Variants in NBAS observed in about 807,000 individuals in gnomAD.
NBAS encodes the protein NBAS subunit of NRZ tethering complex, also known as NAG/BC035112 fusion.
A neutral mutation model predicts 302.5 loss-of-function variants in NBAS; 219 were observed. The observed-to-expected ratio is 0.72, with a 90% CI of 0.65 to 0.81. NBAS has a LOEUF of 0.81. Among genes scored for constraint, NBAS ranks in the 30% least tolerant of loss-of-function variants. The pLI, the probability that NBAS is intolerant of heterozygous loss-of-function variation, is 0.00. For synonymous variants in NBAS, 1,118 were observed against 1,021.6 expected, an observed-to-expected ratio of 1.09 and a Z score of -1.80; for missense variants, 2,932 against 2,841.6, an observed-to-expected ratio of 1.03 and a Z score of -0.72.
chr2:15,279,071 T>C (rs958827019), intron 42 of NBAS, among the ~76,000 whole-genome samples: 3 of 152,166 alleles, frequency 2.0e-5, no homozygotes, highest in Non-Finnish European at 2.9e-5. Context: ...TGTTCCTTCA[T>C]AATTTGCAAA....
At chr2:15,370,388 G>A (rs897544376) in intron 31 of NBAS, among the ~76,000 whole-genome samples, 5 of 152,104 alleles carry the variant, frequency 3.3e-5, no homozygotes, top group Admixed American at 1.3e-4. Flanking sequence ...CAACCTCCTA[G>A]GACAAGTGAT....
At chr2:15,088,206 G>A in the NBAS span, among the ~76,000 whole-genome samples, 1 of 152,144 alleles carries the variant, frequency 6.6e-6, no homozygotes, top group Non-Finnish European at 1.5e-5. Context: ...AAGAGCAAAA[G>A]GTAGTCATGC....
At chr2:15,002,804 C>T in the NBAS span, among the ~76,000 whole-genome samples, 1 of 152,208 alleles carries the variant, frequency 6.6e-6, no homozygotes, top group Non-Finnish European at 1.5e-5. Flanking sequence ...TGCCCAGGGC[C>T]GGCAGGGCGG....
intron 28 of NBAS, among the ~76,000 whole-genome samples, chr2:15,393,067 C>T (rs1005381625): frequency 6.6e-6 from 1 of 151,784 alleles, no homozygotes; most frequent in African/African-American, 2.4e-5. Context: ...AGTTTTTTGA[C>T]CCATACTTTG....
intron 48 of NBAS, among the ~76,000 whole-genome samples, chr2:15,216,940 G>A (rs1666680608): frequency 6.6e-6 from 1 of 152,222 alleles, no homozygotes; most frequent in Non-Finnish European, 1.5e-5. Flanking sequence ...GTACATAACT[G>A]TAGTCACATC....
chr2:15,342,247 A>G (rs2148271407), intron 35 of NBAS, among the ~76,000 whole-genome samples: 1 of 152,294 alleles, frequency 6.6e-6, no homozygotes, highest in Non-Finnish European at 1.5e-5. Flanking sequence ...CACAATCTAA[A>G]TGTACAAAAG....
chr2:15,342,806 AT>A (rs1372965661), intron 35 of NBAS, among the ~76,000 whole-genome samples: 1 of 152,090 alleles, frequency 6.6e-6, no homozygotes, highest in Non-Finnish European at 1.5e-5. Flanking sequence ...TTCAAGAAAT[AT>A]AGTGTGCCGG....
chr2:15,284,160 GAA>G (rs745972085), intron 42 of NBAS, among the ~76,000 whole-genome samples: 12 of 116,564 alleles, frequency 1.0e-4, no homozygotes, highest in African/African-American at 1.3e-4. Flanking sequence ...GCGGGAAATG[GAA>G]AAAAAAAAAA....
intron 25 of NBAS, among the ~76,000 whole-genome samples, chr2:15,404,785 T>C (rs999176370): frequency 1.1e-4 from 16 of 152,154 alleles, no homozygotes; most frequent in Admixed American, 7.2e-4. Context: ...AATGCTGGGA[T>C]TACAGGCATG....
intron 3 of NBAS, among the ~76,000 whole-genome samples, chr2:15,555,050 A>T (rs1229828336): frequency 6.6e-6 from 1 of 152,184 alleles, no homozygotes; most frequent in Non-Finnish European, 1.5e-5. Context: ...TGAAATAGAA[A>T]AAAAATAAAT....
the NBAS span, among the ~76,000 whole-genome samples, chr2:15,026,272 A>T: frequency 5.9e-5 from 1 of 16,946 alleles, no homozygotes; most frequent in Non-Finnish European, 1.0e-4. Context: ...CTGGCTAACA[A>T]GGTGAAACCC....
At chr2:14,940,463 CTG>C in the NBAS span, among the ~76,000 whole-genome samples, 1 of 152,178 alleles carries the variant, frequency 6.6e-6, no homozygotes, top group Non-Finnish European at 1.5e-5. Context: ...GCCTATGAAA[CTG>C]TGAGCCAATT....
chr2:15,269,330 G>A (rs186441945), intron 44 of NBAS, among the ~76,000 whole-genome samples: 4 of 152,280 alleles, frequency 2.6e-5, no homozygotes, highest in South Asian at 2.1e-4. Context: ...ATCCTGATGG[G>A]AGACTATTTA....
At chr2:15,098,015 A>G in the NBAS span, among the ~76,000 whole-genome samples, 4 of 86,576 alleles carry the variant, frequency 4.6e-5, no homozygotes, top group Non-Finnish European at 8.2e-5. Context: ...TATATATTAT[A>G]TTGTATATAA....
the NBAS span, among the ~76,000 whole-genome samples, chr2:14,931,824 A>G: frequency 6.6e-6 from 1 of 152,198 alleles, no homozygotes; most frequent in African/African-American, 2.4e-5. Context: ...CCCTTCCATC[A>G]AGGTATTGTC....
At chr2:15,193,247 C>A (rs1300218882) in intron 48 of NBAS, among the ~76,000 whole-genome samples, 3 of 152,076 alleles carry the variant, frequency 2.0e-5, no homozygotes, top group Non-Finnish European at 2.9e-5. Flanking sequence ...CATATTTTAA[C>A]TAAAAATGTG....
chr2:14,805,806 G>A, the NBAS span, among the ~76,000 whole-genome samples: 1 of 152,102 alleles, frequency 6.6e-6, no homozygotes, highest in Non-Finnish European at 1.5e-5. Flanking sequence ...GCCTTTGCCT[G>A]TTTGGAAAAC....
At chr2:15,226,816 C>T (rs34762153) in intron 47 of NBAS, among the ~76,000 whole-genome samples, 10,785 of 152,144 alleles carry the variant, frequency 0.071, 413 homozygotes, top group East Asian at 0.13. Context: ...TTTGTGGAGT[C>T]GTCAGGATTT....
chr2:15,012,998 C>T, the NBAS span, among the ~76,000 whole-genome samples: 35 of 152,160 alleles, frequency 2.3e-4, no homozygotes, highest in African/African-American at 8.0e-4. Flanking sequence ...GCTGGGATTA[C>T]TGGCATCCGC....
Sources: gnomAD v4.1 joint callset for allele counts (sites outside exome capture counted in the v4.1 genomes callset) on GRCh38, gnomAD v4.1.1 for gene constraint, MANE v1.5 for transcripts, NCBI Gene and HGNC (gene_info 2026-07-23, HGNC 2026-07-21) for gene names.